The following RNGTT variants were observed in gnomAD, a reference collection of about 807,000 sequenced individuals.
RNGTT encodes the protein RNA guanylyltransferase and 5'-phosphatase.
RNGTT carries 33 observed loss-of-function variants against 79.3 expected under a neutral mutation model. The observed-to-expected ratio is 0.42, with a 90% confidence interval of 0.32 to 0.56. The LOEUF (loss-of-function observed/expected upper bound fraction) is 0.56. Ranked by LOEUF, RNGTT falls within the 20% of genes least tolerant of loss-of-function variation. The probability of loss-of-function intolerance (pLI) is 0.17; values close to 1 mark genes in which losing one functional copy is unlikely to be tolerated. For missense variants in RNGTT, 497 were observed against 739.1 expected (o/e 0.67, Z 3.80); for synonymous variants, 222 against 235.9 (o/e 0.94, Z 0.54).
intron 11 of RNGTT, among the ~76,000 whole-genome samples, chr6:88,832,868 CAATGAG>C (rs1780922829): frequency 6.6e-6 from 1 of 152,142 alleles, no homozygotes; most frequent in East Asian, 1.9e-4. Flanking sequence ...ATCAAAACCA[CAATGAG>C]ATACCATCTC....
intron 6 of RNGTT, among the ~76,000 whole-genome samples, chr6:88,896,563 G>A (rs66686473): frequency 0.044 from 6,736 of 152,224 alleles, 244 homozygotes; most frequent in Non-Finnish European, 0.068. Context: ...GCAGAGATGC[G>A]ATATTAAGAA....
intron 14 of RNGTT, among the ~76,000 whole-genome samples, chr6:88,632,229 T>A (rs999565381): frequency 6.6e-6 from 1 of 152,188 alleles, no homozygotes; most frequent in Non-Finnish European, 1.5e-5. Context: ...CCCAAAGTGC[T>A]GTGATTACAG....
In RNGTT at chr6:88,672,780, C is replaced by T. The variant is rs112459710; in HGVS notation, c.1506+5573G>A. Among the ~76,000 whole-genome samples, 1,255 of 152,222 alleles carry T rather than the reference C, an allele frequency of 8.2e-3. 19 individuals carry two copies. The highest frequency in any genetic ancestry group is 0.028 in the African/African-American group (1,182 of 41,522). On this transcript the variant is annotated intron_variant, in intron 14 of 15. Transcript: ENST00000369485. ...ATCTGAAACTAGCATGAAGATGCAC[C>T]AGTCTAAGACTATGCTGAAGTCCCA... is the stretch of plus-strand genomic sequence containing the variant.
intron 12 of RNGTT, among the ~76,000 whole-genome samples, chr6:88,791,149 T>C (rs1779394117): frequency 6.6e-6 from 1 of 151,842 alleles, no homozygotes; most frequent in African/African-American, 2.4e-5. Context: ...CCTTTTTTTT[T>C]TTTTTTTTTC....
At chr6:88,895,699 CAGAT>C (rs1783222934) in intron 6 of RNGTT, among the ~76,000 whole-genome samples, 1 of 152,152 alleles carries the variant, frequency 6.6e-6, no homozygotes, top group African/African-American at 2.4e-5. Flanking sequence ...TCTTCAACCT[CAGAT>C]GGAAATAAAA....
chr6:88,686,951 T>C (rs961772850), intron 13 of RNGTT, among the ~76,000 whole-genome samples: 1 of 147,704 alleles, frequency 6.8e-6, no homozygotes, highest in African/African-American at 2.7e-5. Flanking sequence ...TAAGAGAAAA[T>C]GTTGGTAAAT....
At chr6:88,770,010 G>A (rs1778595557) in intron 12 of RNGTT, 136 bp from the exon 13 acceptor site, 6 of 591,368 alleles carry the variant, frequency 1.0e-5, no homozygotes, top group Non-Finnish European at 1.8e-5. Flanking sequence ...CAACCAACAA[G>A]TCAGGCTAGA....
chr6:88,771,346 T>TAC (rs1231907176), intron 12 of RNGTT, among the ~76,000 whole-genome samples: 1 of 131,494 alleles, frequency 7.6e-6, no homozygotes, highest in African/African-American at 3.1e-5. Context: ...TATATATATA[T>TAC]ATATACACAC....
chr6:88,868,048 C>T (rs1337551723), intron 8 of RNGTT, among the ~76,000 whole-genome samples: 1 of 152,052 alleles, frequency 6.6e-6, no homozygotes, highest in Non-Finnish European at 1.5e-5. Context: ...GAAGTGCTTC[C>T]TCTTCCACTG....
intron 1 of RNGTT, among the ~76,000 whole-genome samples, chr6:88,961,975 A>T (rs1371392330): frequency 6.6e-6 from 1 of 152,264 alleles, no homozygotes; most frequent in Non-Finnish European, 1.5e-5. Flanking sequence ...TGCAATAAAA[A>T]AGGAATAAAC....
At chr6:88,902,939 C>T (rs1436705156) in intron 6 of RNGTT, among the ~76,000 whole-genome samples, 1 of 151,998 alleles carries the variant, frequency 6.6e-6, no homozygotes, top group African/African-American at 2.4e-5. Flanking sequence ...CACGATCCAC[C>T]CACCTCGGCC....
intron 12 of RNGTT, among the ~76,000 whole-genome samples, chr6:88,796,031 C>T (rs962560676): frequency 6.6e-6 from 1 of 152,152 alleles, no homozygotes; most frequent in Non-Finnish European, 1.5e-5. Flanking sequence ...GCACTATCTA[C>T]TTACACACAT....
At position 88,738,439 on chromosome 6, in the gene RNGTT, T is replaced by C. The variant is rs188221478; in HGVS notation, c.1439+31335A>G. ...ATAAGCTACAGACCTTAGTTAAAAA[T>C]AACACACCAAGTCTGGCAAACATGT... On this transcript the variant is annotated intron_variant, in intron 13 of 15. Transcript: ENST00000369485. 1.8e-3 allele frequency among the ~76,000 whole-genome samples: 277 copies of C among 152,170 alleles called. 3 individuals are homozygous for C. Among genetic ancestry groups the C allele is most frequent in the African/African-American group, 6.5e-3 (271 of 41,518 alleles).
At chr6:88,670,718 C>G (rs1774603829) in intron 14 of RNGTT, among the ~76,000 whole-genome samples, 1 of 152,158 alleles carries the variant, frequency 6.6e-6, no homozygotes, top group South Asian at 2.1e-4. Context: ...GTTCTGCTAG[C>G]CCCCATCACT....
At position 88,952,804 on chromosome 6, in the gene RNGTT, C is replaced by A. The variant is rs1015709804; in HGVS notation, c.64+10542G>T. Among the ~76,000 whole-genome samples, 3 of 152,198 alleles carry A rather than the reference C, an allele frequency of 2.0e-5. No individual in the cohort carries two copies. The South Asian group carries it at 6.2e-4, about 31-fold the overall frequency. ...TACATCACAGGACTCTGCAGACATTCTTCAGCACCAGCCTTAGGGCCTGGT... is the reference window on the plus strand; with the variant it reads ...TACATCACAGGACTCTGCAGACATTATTCAGCACCAGCCTTAGGGCCTGGT... On this transcript the variant is annotated intron_variant, in intron 1 of 15. Transcript: ENST00000369485.
intron 14 of RNGTT, among the ~76,000 whole-genome samples, chr6:88,656,734 T>C (rs947649846): frequency 6.6e-6 from 1 of 151,468 alleles, no homozygotes; most frequent in African/African-American, 2.4e-5. Context: ...CTGAGCTTCT[T>C]TGAAAAAGAA....
At chr6:88,690,641 T>C (rs1775444798) in intron 13 of RNGTT, among the ~76,000 whole-genome samples, 1 of 151,986 alleles carries the variant, frequency 6.6e-6, no homozygotes, top group South Asian at 2.1e-4. Context: ...TCCCAGGAAT[T>C]TGAGACTGCA....
chr6:88,866,645 T>C (rs1033022760), intron 8 of RNGTT, among the ~76,000 whole-genome samples: 2 of 152,206 alleles, frequency 1.3e-5, no homozygotes, highest in Non-Finnish European at 2.9e-5. Context: ...CTCTAATAAC[T>C]GGATACAGAC....
chr6:88,850,578 T>C (rs927042739), intron 9 of RNGTT, among the ~76,000 whole-genome samples: 1 of 151,334 alleles, frequency 6.6e-6, no homozygotes, highest in Admixed American at 6.7e-5. Context: ...TAACAGAAAT[T>C]CCATGTACAA....
Sources: gnomAD v4.1 joint callset for allele counts (sites outside exome capture counted in the v4.1 genomes callset) on GRCh38, gnomAD v4.1.1 for gene constraint, MANE v1.5 for transcripts, NCBI Gene and HGNC (gene_info 2026-07-23, HGNC 2026-07-21) for gene names.